Variants in CEMIP observed in about 807,000 individuals in gnomAD.
CEMIP encodes the protein cell migration-inducing and hyaluronan-binding protein.
CEMIP carries 105 observed loss-of-function variants against 156.9 expected under a neutral mutation model. The observed-to-expected ratio is 0.67, with a 90% CI of 0.57 to 0.79. The LOEUF is 0.79. Among genes scored for constraint, CEMIP ranks in the 30% least tolerant of loss-of-function variants. The probability of loss-of-function intolerance (pLI) is 0.00; values close to 1 mark genes in which losing one functional copy is unlikely to be tolerated. For missense variants in CEMIP, 1,457 were observed against 1,769.4 expected (o/e 0.82, Z 3.17); for synonymous variants, 676 against 668.4 (o/e 1.01, Z -0.17).
chr15:80,833,397 T>C (rs1052196522), intron 1 of CEMIP, among the ~76,000 whole-genome samples: 2 of 152,162 alleles, frequency 1.3e-5, no homozygotes, highest in African/African-American at 4.8e-5. Flanking sequence ...CAGACTCACT[T>C]TTCAGCTCCT....
intron 1 of CEMIP, among the ~76,000 whole-genome samples, chr15:80,805,391 A>T (rs1436230597): frequency 6.6e-6 from 1 of 152,148 alleles, no homozygotes; most frequent in Non-Finnish European, 1.5e-5. Context: ...TTCAGGTTTA[A>T]ATTGCCTACT....
chr15:80,921,512 G>C (rs1435293807), intron 16 of CEMIP, among the ~76,000 whole-genome samples: 1 of 152,190 alleles, frequency 6.6e-6, no homozygotes, highest in Non-Finnish European at 1.5e-5. Context: ...CTAAGGTTAG[G>C]AGAGCTGACA....
Position 80,950,406 on chromosome 15 carries a change from A to G in CEMIP, c.*1482A>G, listed in dbSNP as rs1240155503. ...GGGACAAGTCCCCTCGAAGGAAAGGAAATGACTAGAGTAGAATGACAGCTA... is the reference window on the plus strand; with the variant it reads ...GGGACAAGTCCCCTCGAAGGAAAGGGAATGACTAGAGTAGAATGACAGCTA... On this transcript the variant is annotated 3_prime_UTR_variant, in exon 30 of 30. Coordinates refer to ENST00000394685, the MANE Select transcript of CEMIP (RefSeq NM_001293298.2). 1 of 152,284 alleles carries G rather than the reference A, an allele frequency of 6.6e-6. No individual in the cohort carries two copies. The highest frequency in any genetic ancestry group is 1.5e-5 in the Non-Finnish European group (1 of 68,088). The allele number at this position is 152,284 out of a possible 1,614,324, so 9.4% of individuals were successfully genotyped here. A position where few individuals can be genotyped will look rare whatever the true frequency, so the allele number is the denominator to read the frequency against.
intron 23 of CEMIP, among the ~76,000 whole-genome samples, chr15:80,934,149 TTTTAA>T (rs1172319658): frequency 4.6e-5 from 7 of 152,242 alleles, no homozygotes; most frequent in Non-Finnish European, 1.0e-4. Flanking sequence ...TTAATTTTAT[TTTTAA>T]TTTATTTTTG....
intron 8 of CEMIP, among the ~76,000 whole-genome samples, 178 bp from the exon 9 acceptor site, chr15:80,888,523 G>A (rs1898926871): frequency 6.6e-6 from 1 of 151,996 alleles, no homozygotes; most frequent in Non-Finnish European, 1.5e-5. Context: ...ACAAAAGAAT[G>A]GATGATCATC....
rs60941228 is a variant in CEMIP at position 80,948,720 on chromosome 15, T to C, written c.3959-77T>C. On this transcript the variant is annotated intron_variant, in intron 29 of 29. Coordinates refer to ENST00000394685, the MANE Select transcript of CEMIP (RefSeq NM_001293298.2). The stretch of plus-strand genomic sequence containing the variant: ...CCTGGTGGGCGTGGGGGGCTGGCGA[T>C]GGGGAGCCATGGAACGGGGTGGGGC... The C allele has an allele frequency of 3.8e-3, 6,123 of 1,599,808 alleles. 219 individuals are homozygous for C. In the African/African-American group the frequency reaches 0.07, roughly 18 times the overall value.
intron 1 of CEMIP, among the ~76,000 whole-genome samples, chr15:80,797,816 C>T (rs1242290320): frequency 6.6e-6 from 1 of 152,238 alleles, no homozygotes; most frequent in East Asian, 1.9e-4. Context: ...TTCTTTATTA[C>T]CACAGCAGAG....
chr15:80,821,744 T>C (rs555586660), intron 1 of CEMIP, among the ~76,000 whole-genome samples: 5 of 152,166 alleles, frequency 3.3e-5, no homozygotes, highest in Non-Finnish European at 7.4e-5. Flanking sequence ...ATGGGCTACT[T>C]AGAGGTGCCC....
At position 80,877,232 on chromosome 15, in the gene CEMIP, C is replaced by T. The variant is rs145565330; in HGVS notation, c.95-1489C>T. On this transcript the variant is annotated intron_variant, in intron 3 of 29. Coordinates refer to ENST00000394685, the MANE Select transcript of CEMIP (RefSeq NM_001293298.2). ...AGATGAGATTTGGGTGAGGACACAG[C>T]CAAACCATAGCATGCACTGAAGCCA... Among the ~76,000 whole-genome samples, 875 of 152,294 alleles carry T rather than the reference C, an allele frequency of 5.7e-3. 5 individuals are homozygous for T. The highest frequency in any genetic ancestry group is 0.01 in the Middle Eastern group (3 of 294).
chr15:80,797,664 C>T (rs972880307), intron 1 of CEMIP, among the ~76,000 whole-genome samples: 77 of 7,664 alleles, frequency 0.01, no homozygotes, highest in African/African-American at 0.011. Context: ...TTCTTTAGCT[C>T]CTCTCCTCTG....
chr15:80,816,936 A>T (rs951403023), intron 1 of CEMIP, among the ~76,000 whole-genome samples: 9 of 152,164 alleles, frequency 5.9e-5, no homozygotes, highest in Non-Finnish European at 1.0e-4. Flanking sequence ...CAGCCCAGAG[A>T]TCTTATTTAT....
chr15:80,942,228 A>G (rs1567112450), intron 26 of CEMIP, 23 bp from the exon 27 acceptor site: 2 of 1,596,644 alleles, frequency 1.3e-6, no homozygotes, highest in Admixed American at 1.7e-5. Context: ...TAACAATTAC[A>G]TTGGGTTCTA....
chr15:80,909,396 G>A (rs915313852), intron 14 of CEMIP, 90 bp downstream of exon 14: 2 of 1,309,074 alleles, frequency 1.5e-6, no homozygotes, highest in Non-Finnish European at 2.2e-6. Flanking sequence ...CTTAATCCAG[G>A]GCCTTTGGGG....
At chr15:80,905,174 G>A (rs1490356139) in intron 12 of CEMIP, among the ~76,000 whole-genome samples, 1 of 152,202 alleles carries the variant, frequency 6.6e-6, no homozygotes, top group Non-Finnish European at 1.5e-5. Context: ...GTGAACACTG[G>A]CAGTGTCTGG....
At chr15:80,934,208 T>C (rs970052205) in intron 23 of CEMIP, among the ~76,000 whole-genome samples, 9 of 152,262 alleles carry the variant, frequency 5.9e-5, no homozygotes, top group Non-Finnish European at 4.4e-5. Flanking sequence ...GGAGAATGTG[T>C]GATATTTGAT....
At chr15:80,843,058 TG>T (rs1897464656) in intron 1 of CEMIP, among the ~76,000 whole-genome samples, 1 of 152,186 alleles carries the variant, frequency 6.6e-6, no homozygotes, top group Admixed American at 6.5e-5. Context: ...ACCTTTAAAA[TG>T]CTGGTGGGAC....
intron 1 of CEMIP, among the ~76,000 whole-genome samples, chr15:80,807,523 C>A (rs1222426331): frequency 6.6e-6 from 1 of 152,132 alleles, no homozygotes; most frequent in East Asian, 1.9e-4. Flanking sequence ...CCACACCTGG[C>A]CTGAGGAGAG....
chr15:80,825,895 T>A (rs1897026682), intron 1 of CEMIP, among the ~76,000 whole-genome samples: 1 of 152,240 alleles, frequency 6.6e-6, no homozygotes, highest in African/African-American at 2.4e-5. Flanking sequence ...CACATTTGTC[T>A]GTTATTGCCC....
chr15:80,935,851 G>A (rs1312353175), intron 23 of CEMIP, among the ~76,000 whole-genome samples: 1 of 152,186 alleles, frequency 6.6e-6, no homozygotes, highest in South Asian at 2.1e-4. Context: ...CGATTCTCCT[G>A]CCTCAGCCTC....
Sources: allele counts gnomAD v4.1 joint callset (sites outside exome capture counted in the v4.1 genomes callset), GRCh38; gene constraint gnomAD v4.1.1; transcripts MANE v1.5; gene names NCBI Gene and HGNC (gene_info 2026-07-23, HGNC 2026-07-21).